PTCHD1: variants seen among roughly 807,000 people sequenced by gnomAD.
The protein encoded by PTCHD1 is patched domain-containing protein 1.
PTCHD1 carries 3 observed loss-of-function variants against 34.6 expected under a neutral mutation model. The ratio of observed to expected loss-of-function variants is 0.09; its 90% CI spans 0.04 to 0.22. The LOEUF is 0.22. PTCHD1 is among the 10% of genes least tolerant of loss of function. The pLI is 1.00. For missense variants in PTCHD1, 504 were observed against 685.5 expected (o/e 0.74, Z 2.96); for synonymous variants, 305 against 283.1 (o/e 1.08, Z -0.77).
At position 23,401,195 on chromosome X, in the gene PTCHD1, G is replaced by C. The variant is rs1268379257; in HGVS notation, c.*7010G>C. 1 of 111,942 alleles carries C rather than the reference G, an allele frequency of 8.9e-6. No homozygotes were observed. The highest frequency in any genetic ancestry group is 1.9e-5 in the Non-Finnish European group (1 of 53,204). The allele number at this position is 111,942 out of a possible 1,213,427, so 9.2% of individuals were successfully genotyped here. On this transcript the variant is annotated 3_prime_UTR_variant, in exon 3 of 3. Coordinates refer to ENST00000379361, the MANE Select transcript of PTCHD1 (RefSeq NM_173495.3). ...TGCCCGGCAAGGGCTTTGTTCATTA[G>C]GATCAACAAAGTGCTTTGTCTAATT...
At chrX:23,392,136 CTGGTCT>C (rs1922855258) in intron 2 of PTCHD1, among the ~76,000 whole-genome samples, 1 of 88,152 alleles carries the variant, frequency 1.1e-5, no homozygotes, top group Non-Finnish European at 2.1e-5. Flanking sequence ...TATCAAACTC[CTGGTCT>C]TAAGTCATCT....
chrX:23,346,013 C>T (rs767185781), intron 1 of PTCHD1, among the ~76,000 whole-genome samples: 10 of 111,557 alleles, frequency 9.0e-5, no homozygotes, highest in Non-Finnish European at 1.9e-4. Flanking sequence ...AAGAGAGATA[C>T]ACCTCCCCCA....
In PTCHD1 at chrX:23,392,823, C is replaced by T. The variant is rs200394813; in HGVS notation, c.1305C>T (p.Tyr435=). Residue 435 remains tyrosine, a synonymous_variant, in exon 3 of 3, where the codon TAC becomes TAT. Coordinates refer to ENST00000379361, the MANE Select transcript of PTCHD1 (RefSeq NM_173495.3). ...TCACTGGCTACATAGAAAACAATTACCAGCATAGTATCTTCTGTAGAAAAG... is the reference window on the plus strand; with the variant it reads ...TCACTGGCTACATAGAAAACAATTATCAGCATAGTATCTTCTGTAGAAAAG... ...LVFTGYIENN[Y]QHSIFCRKVP... The T allele has an allele frequency of 2.7e-5, 33 of 1,210,574 alleles. No homozygotes were observed. In the East Asian group the frequency reaches 9.8e-4, roughly 36 times the overall value.
intron 2 of PTCHD1, among the ~76,000 whole-genome samples, chrX:23,391,376 C>T (rs145534811): frequency 3.9e-4 from 43 of 111,133 alleles, no homozygotes; most frequent in African/African-American, 1.2e-3. Context: ...TCAAACAGAT[C>T]CCTGAAGACA....
Position 23,400,768 on chromosome X carries a change from T to C in PTCHD1, c.*6583T>C. ...TCCATCATCTTCTGCCCAGCCATGATAAGGAAAGCCTTCTATTGAGATGGA... is the reference window on the plus strand; with the variant it reads ...TCCATCATCTTCTGCCCAGCCATGACAAGGAAAGCCTTCTATTGAGATGGA... On this transcript the variant is annotated 3_prime_UTR_variant, in exon 3 of 3. Transcript: ENST00000379361. 1 of 112,141 alleles carries C rather than the reference T, an allele frequency of 8.9e-6. No homozygotes were observed. Among genetic ancestry groups the C allele is most frequent in the South Asian group, 3.8e-4 (1 of 2,662 alleles). 9.2% of individuals were successfully genotyped at this position (112,141 alleles called of 1,213,427 possible). A position where few individuals can be genotyped will look rare whatever the true frequency, so the allele number is the denominator to read the frequency against.
intron 1 of PTCHD1, among the ~76,000 whole-genome samples, chrX:23,340,811 G>C (rs932049241): frequency 1.8e-5 from 2 of 112,215 alleles, no homozygotes; most frequent in African/African-American, 6.5e-5. Flanking sequence ...CTTCTGGTGA[G>C]TTATCCAAGT....
In PTCHD1 at chrX:23,394,146, C is replaced by T. The variant is rs747214128; in HGVS notation, c.2628C>T (p.Ile876=). The T allele has an allele frequency of 2.2e-5, 26 of 1,205,027 alleles. No individual in the cohort carries two copies. The South Asian group carries it at 3.5e-4, about 16-fold the overall frequency. ...TTGAGTGTGTAGAAATGGTAGATAT[C>T]GATAGTACCCGTGTGGTTGACCAAA... ...EEIECVEMVD[I]DSTRVVDQIT... The change falls in exon 3 of 3, where the codon ATC becomes ATT. Residue 876 remains isoleucine, a synonymous_variant. Transcript: ENST00000379361.
chrX:23,394,375 CA>C lies in PTCHD1; in HGVS notation c.*193del. On this transcript the variant is annotated 3_prime_UTR_variant, in exon 3 of 3. Transcript: ENST00000379361. ...CCTGGCATATTTTCAGTCTTTAAAA[CA>C]AAGGAGTTGTTATGAGAATTCACAC... 6.1e-6 allele frequency: 2 copies of C among 326,672 alleles called. No individual in the cohort carries two copies. Among genetic ancestry groups the C allele is most frequent in the Non-Finnish European group, 1.0e-5 (2 of 191,898 alleles). The allele number at this position is 326,672 out of a possible 1,213,427, so 26.9% of individuals were successfully genotyped here.
At chrX:23,369,819 C>T (rs989117907) in intron 1 of PTCHD1, among the ~76,000 whole-genome samples, 3 of 111,551 alleles carry the variant, frequency 2.7e-5, no homozygotes, top group African/African-American at 9.8e-5. Flanking sequence ...TAAGGAGGGC[C>T]AACTTTAAAC....
At chrX:23,382,007 C>T (rs1162688659) in intron 2 of PTCHD1, among the ~76,000 whole-genome samples, 5 of 111,455 alleles carry the variant, frequency 4.5e-5, no homozygotes, top group Non-Finnish European at 9.4e-5. Flanking sequence ...GTTTTCGTTT[C>T]GTTTCATTTT....
intron 1 of PTCHD1, among the ~76,000 whole-genome samples, chrX:23,350,831 A>G (rs1921613279): frequency 9.1e-6 from 1 of 110,431 alleles, no homozygotes; most frequent in African/African-American, 3.3e-5. Context: ...GAAAGAGTTG[A>G]GTCATGTAAT....
chrX:23,347,488 G>T (rs991537055), intron 1 of PTCHD1, among the ~76,000 whole-genome samples: 19 of 112,089 alleles, frequency 1.7e-4, no homozygotes, highest in Non-Finnish European at 5.6e-5. Flanking sequence ...GGTACCTATA[G>T]CTACAACAAA....
chrX:23,375,448 C>A (rs1365201272), intron 1 of PTCHD1, among the ~76,000 whole-genome samples: 3 of 111,650 alleles, frequency 2.7e-5, no homozygotes. Flanking sequence ...CACACCACCA[C>A]GCCCGGCTAA....
At position 23,393,892 on chromosome X, in the gene PTCHD1, G is replaced by A. The variant is rs1349163966; in HGVS notation, c.2374G>A (p.Glu792Lys). 2.5e-6 allele frequency: 3 copies of A among 1,211,355 alleles called. No individual in the cohort carries two copies. Among genetic ancestry groups the A allele is most frequent in the African/African-American group, 1.7e-5 (1 of 57,741 alleles). Residue 792 changes from glutamate to lysine, a missense_variant, in exon 3 of 3, where the codon GAA becomes AAA. Glu to Lys is a moderately conservative substitution (Grantham distance 56). Transcript: ENST00000379361. ...TRTKWVKNAL[E>K]VHGVAILQSY... ...AACTAAATGGGTAAAAAATGCCCTG[G>A]AAGTGCATGGGGTAGCTATTTTACA... is the stretch of plus-strand genomic sequence containing the variant.
intron 1 of PTCHD1, among the ~76,000 whole-genome samples, chrX:23,366,869 T>C (rs1922154426): frequency 9.1e-6 from 1 of 109,380 alleles, no homozygotes; most frequent in African/African-American, 3.3e-5. Context: ...CCTGTCTCCT[T>C]TCCAGCTCTT....
Position 23,392,746 on chromosome X carries a change from A to G in PTCHD1, c.1228A>G (p.Ile410Val), listed in dbSNP as rs146504644. 8 of 1,209,875 alleles carry G rather than the reference A, an allele frequency of 6.6e-6. No individual in the cohort carries two copies. The highest frequency in any genetic ancestry group is 7.8e-6 in the Non-Finnish European group (7 of 894,647). ...TTTCTGCTGCAATTCCTGTATTGCA[A>G]TCTTCTTCAACTACCTCTATGTACT... ...RIFCCNSCIA[I>V]FFNYLYVLSF... The change falls in exon 3 of 3, where the codon ATC becomes GTC. Residue 410 changes from isoleucine to valine, a missense_variant. Physicochemically the swap from Ile to Val is conservative, Grantham distance 29. Coordinates refer to ENST00000379361, the MANE Select transcript of PTCHD1 (RefSeq NM_173495.3).
At position 23,395,539 on chromosome X, in the gene PTCHD1, C is replaced by G. The variant is rs758849953; in HGVS notation, c.*1354C>G. The G allele has an allele frequency of 9.0e-6, 1 of 111,516 alleles. No homozygotes were observed. Among genetic ancestry groups the G allele is most frequent in the African/African-American group, 3.3e-5 (1 of 30,603 alleles). 9.2% of individuals were successfully genotyped at this position (111,516 alleles called of 1,213,427 possible). ...CCACACCTTTTTTGATGTCCTTCTG[C>G]GTCATCATAGCAAGGCCCTTCTGTA... On this transcript the variant is annotated 3_prime_UTR_variant, in exon 3 of 3. Transcript: ENST00000379361.
Position 23,402,915 on chromosome X carries a change from A to G in PTCHD1, c.*8730A>G, listed in dbSNP as rs1377132554. ...ATGACAAAATAGTGATAACTGTTCA[A>G]TGTTGCTTTAACAGTCCAATTGTAG... On this transcript the variant is annotated 3_prime_UTR_variant, in exon 3 of 3. Coordinates refer to ENST00000379361, the MANE Select transcript of PTCHD1 (RefSeq NM_173495.3). 8.9e-6 allele frequency: 1 copy of G among 112,662 alleles called. No homozygotes were observed. The highest frequency in any genetic ancestry group is 1.9e-5 in the Non-Finnish European group (1 of 53,352). The allele number at this position is 112,662 out of a possible 1,213,427, so 9.3% of individuals were successfully genotyped here. A position where few individuals can be genotyped will look rare whatever the true frequency, so the allele number is the denominator to read the frequency against.
At chrX:23,367,545 G>A (rs910342811) in intron 1 of PTCHD1, among the ~76,000 whole-genome samples, 2 of 111,312 alleles carry the variant, frequency 1.8e-5, no homozygotes, top group African/African-American at 6.5e-5. Context: ...GGCGTGCTCA[G>A]GGAAGGTAGA....
Sources: gnomAD v4.1 joint callset for allele counts (sites outside exome capture counted in the v4.1 genomes callset) on GRCh38, gnomAD v4.1.1 for gene constraint, MANE v1.5 for transcripts, NCBI Gene and HGNC (gene_info 2026-07-23, HGNC 2026-07-21) for gene names.